CTNND2: variants seen among roughly 807,000 people sequenced by gnomAD.
The protein encoded by CTNND2 is catenin delta-2.
CTNND2 carries 22 observed loss-of-function variants against 144.4 expected under a neutral mutation model. The ratio of observed to expected loss-of-function variants is 0.15; its 90% CI spans 0.11 to 0.22. CTNND2 has a LOEUF of 0.22. Ranked by LOEUF, CTNND2 falls within the 10% of genes least tolerant of loss-of-function variation. The pLI is 1.00. For missense variants in CTNND2, 1,353 were observed against 1,618.8 expected (o/e 0.84, Z 2.82); for synonymous variants, 751 against 695.6 (o/e 1.08, Z -1.25).
chr5:11,189,260 A>C (rs1039523848), intron 11 of CTNND2, among the ~76,000 whole-genome samples: 2 of 152,234 alleles, frequency 1.3e-5, no homozygotes, highest in Non-Finnish European at 2.9e-5. Flanking sequence ...CCATATCATA[A>C]GGAAGGCTGG....
chr5:10,981,809 A>T lies in CTNND2; in HGVS notation c.3381T>A (p.Ser1127=), dbSNP rs2228958. 0.02 allele frequency: 32,672 copies of T among 1,613,762 alleles called. 451 individuals are homozygous for T. The highest frequency in any genetic ancestry group is 0.021 in the Non-Finnish European group (24,680 of 1,179,696). Reference sequence around the variant, plus strand: ...TGATGTCTTCAGCGGGCGCACCATAAGAATTCCTATACAAAGTTGAAATTC... The same window carrying T: ...TGATGTCTTCAGCGGGCGCACCATATGAATTCCTATACAAAGTTGAAATTC... ...NTGISTLYRN[S]YGAPAEDIKH... Residue 1127 remains serine, a synonymous_variant, in exon 21 of 22, where the codon TCT becomes TCA. Coordinates refer to ENST00000304623, the MANE Select transcript of CTNND2 (RefSeq NM_001332.4).
At position 11,333,588 on chromosome 5, in the gene CTNND2, T is replaced by A. The variant is rs78462060; in HGVS notation, c.1628+12784A>T. Among the ~76,000 whole-genome samples, 360 of 152,300 alleles carry A rather than the reference T, an allele frequency of 2.4e-3. 10 individuals carry two copies. The South Asian group carries it at 0.046, about 20-fold the overall frequency. Reference sequence around the variant, plus strand: ...CAGTCAGATCAGACATAACAAATCATCATCCCACAAACTTAAAGGCTGGAA... The same window carrying A: ...CAGTCAGATCAGACATAACAAATCAACATCCCACAAACTTAAAGGCTGGAA... On this transcript the variant is annotated intron_variant, in intron 9 of 21. Coordinates refer to ENST00000304623, the MANE Select transcript of CTNND2 (RefSeq NM_001332.4).
intron 9 of CTNND2, among the ~76,000 whole-genome samples, chr5:11,279,540 C>T (rs1316207580): frequency 6.6e-6 from 1 of 152,158 alleles, no homozygotes; most frequent in Admixed American, 6.5e-5. Flanking sequence ...GCAGGAATAG[C>T]CAATCCACTT....
intron 3 of CTNND2, among the ~76,000 whole-genome samples, chr5:11,540,196 A>G (rs1401030633): frequency 6.6e-6 from 1 of 152,170 alleles, no homozygotes; most frequent in Admixed American, 6.5e-5. Flanking sequence ...AAAATAAACG[A>G]CATTCCAAGT....
At chr5:11,737,800 G>A (rs935320763) in intron 1 of CTNND2, among the ~76,000 whole-genome samples, 2 of 152,154 alleles carry the variant, frequency 1.3e-5, no homozygotes, top group Admixed American at 6.6e-5. Context: ...AGTGGCATCA[G>A]AGGTCTCTCT....
intron 1 of CTNND2, among the ~76,000 whole-genome samples, chr5:11,751,008 A>C (rs1329388135): frequency 6.6e-6 from 1 of 151,804 alleles, no homozygotes; most frequent in African/African-American, 2.4e-5. Context: ...ATAGACACTC[A>C]CCTGTCCGGG....
At chr5:11,760,458 AC>A (rs768406836) in intron 1 of CTNND2, among the ~76,000 whole-genome samples, 2 of 152,228 alleles carry the variant, frequency 1.3e-5, no homozygotes, top group Non-Finnish European at 2.9e-5. Context: ...AGACAATGAG[AC>A]ATAACTGCAT....
intron 3 of CTNND2, among the ~76,000 whole-genome samples, chr5:11,525,569 T>C (rs964437956): frequency 2.6e-5 from 4 of 152,214 alleles, no homozygotes; most frequent in African/African-American, 7.2e-5. Flanking sequence ...ACAGCAGTAC[T>C]GTGAACCACA....
chr5:11,369,585 T>C (rs1226580265), intron 7 of CTNND2, among the ~76,000 whole-genome samples: 1 of 151,054 alleles, frequency 6.6e-6, no homozygotes, highest in Admixed American at 6.6e-5. Context: ...TGGATCTATA[T>C]ATTCATTCAA....
intron 12 of CTNND2, among the ~76,000 whole-genome samples, chr5:11,140,799 A>G (rs16901308): frequency 0.091 from 13,829 of 152,260 alleles, 1,139 homozygotes; most frequent in African/African-American, 0.22. Flanking sequence ...CACGTATTTA[A>G]GTTGTTATAT....
chr5:10,975,256 T>C (rs1278227761), intron 21 of CTNND2, among the ~76,000 whole-genome samples: 1 of 152,170 alleles, frequency 6.6e-6, no homozygotes. Flanking sequence ...GTGCAAGACA[T>C]GCAAAGGCTC....
At chr5:11,677,649 G>A (rs1784236115) in intron 2 of CTNND2, among the ~76,000 whole-genome samples, 1 of 152,110 alleles carries the variant, frequency 6.6e-6, no homozygotes, top group African/African-American at 2.4e-5. Flanking sequence ...ACACGGTTAT[G>A]AAACCCTTGA....
At chr5:11,122,105 C>A (rs954859753) in intron 12 of CTNND2, among the ~76,000 whole-genome samples, 4 of 152,106 alleles carry the variant, frequency 2.6e-5, no homozygotes, top group African/African-American at 4.8e-5. Context: ...AAAGCAGGGG[C>A]ACATTTACTC....
chr5:11,393,892 C>T (rs2149811981), intron 6 of CTNND2, among the ~76,000 whole-genome samples: 1 of 152,112 alleles, frequency 6.6e-6, no homozygotes, highest in Middle Eastern at 3.4e-3. Context: ...ACTTCACTCC[C>T]AGTAAAAAAA....
chr5:11,606,595 T>C (rs1223123266), intron 2 of CTNND2, among the ~76,000 whole-genome samples: 1 of 152,174 alleles, frequency 6.6e-6, no homozygotes, highest in Non-Finnish European at 1.5e-5. Context: ...ATCTTATCAT[T>C]CATCCAGCTG....
intron 10 of CTNND2, among the ~76,000 whole-genome samples, chr5:11,221,191 T>C (rs142375226): frequency 1.3e-3 from 203 of 152,334 alleles, no homozygotes; most frequent in African/African-American, 4.7e-3. Flanking sequence ...CTGAAGTGCA[T>C]CTAATAGGAA....
At chr5:11,768,448 C>G (rs1401497142) in intron 1 of CTNND2, among the ~76,000 whole-genome samples, 1 of 152,170 alleles carries the variant, frequency 6.6e-6, no homozygotes, top group African/African-American at 2.4e-5. Flanking sequence ...CACCACCTTA[C>G]CCAGCTAATT....
At chr5:11,644,615 A>G (rs1470066975) in intron 2 of CTNND2, among the ~76,000 whole-genome samples, 4 of 151,276 alleles carry the variant, frequency 2.6e-5, no homozygotes, top group Admixed American at 2.6e-4. Context: ...CGGAGCTTGC[A>G]GTGAGCCAAG....
chr5:11,437,349 A>C (rs1246517722), intron 3 of CTNND2, among the ~76,000 whole-genome samples: 1 of 152,194 alleles, frequency 6.6e-6, no homozygotes, highest in Non-Finnish European at 1.5e-5. Context: ...TTATGTGCCT[A>C]ATCTGTGCCC....
Sources: gnomAD v4.1 joint callset for allele counts (sites outside exome capture counted in the v4.1 genomes callset) on GRCh38, gnomAD v4.1.1 for gene constraint, MANE v1.5 for transcripts, NCBI Gene and HGNC (gene_info 2026-07-23, HGNC 2026-07-21) for gene names.